Variants in R3HDM1 observed in about 807,000 individuals in gnomAD.
The protein encoded by R3HDM1 is R3H domain-containing protein 1.
A neutral mutation model predicts 141.1 loss-of-function variants in R3HDM1; 46 were observed. The observed-to-expected ratio is 0.33, with a 90% CI of 0.26 to 0.42. The LOEUF (loss-of-function observed/expected upper bound fraction) is 0.42. Ranked by LOEUF, R3HDM1 falls within the 10% of genes least tolerant of loss-of-function variation. R3HDM1 has a pLI of 1.00. For missense variants in R3HDM1, 1,184 were observed against 1,368.3 expected, an observed-to-expected ratio of 0.87 and a Z score of 2.12; for synonymous variants, 435 against 472.9, an observed-to-expected ratio of 0.92 and a Z score of 1.04.
chr2:135,706,900 C>T (rs1001181727), intron 21 of R3HDM1, among the ~76,000 whole-genome samples: 5 of 152,262 alleles, frequency 3.3e-5, no homozygotes, highest in African/African-American at 9.6e-5. Flanking sequence ...GGGTACACCT[C>T]CCAGACGGGG....
intron 3 of R3HDM1, among the ~76,000 whole-genome samples, chr2:135,614,590 T>G (rs1186194220): frequency 3.9e-5 from 6 of 152,198 alleles, no homozygotes; most frequent in African/African-American, 1.4e-4. Flanking sequence ...ATTCAAAAAT[T>G]TAAGTCCAGC....
intron 17 of R3HDM1, chr2:135,651,244 A>G: frequency 1.0e-6 from 1 of 985,328 alleles, no homozygotes; most frequent in Non-Finnish European, 1.2e-6. Flanking sequence ...TTCTGCAAAT[A>G]ATTTTCGTGG....
intron 1 of R3HDM1, among the ~76,000 whole-genome samples, chr2:135,562,602 A>ATCT (rs1702003120): frequency 6.6e-6 from 1 of 152,172 alleles, no homozygotes; most frequent in African/African-American, 2.4e-5. Flanking sequence ...GACTTGAAAA[A>ATCT]TCTTATCTCC....
intron 1 of R3HDM1, among the ~76,000 whole-genome samples, chr2:135,567,973 A>C (rs578163715): frequency 7.0e-6 from 1 of 142,244 alleles, no homozygotes; most frequent in South Asian, 2.2e-4. Flanking sequence ...CCTGGTCTCG[A>C]ACTCCTGGCC....
rs576516779 is a variant in R3HDM1, at chr2:135,602,838, A to T, written c.-41+130A>T. 8.4e-5 allele frequency: 64 copies of T among 757,892 alleles called. No individual in the cohort carries two copies. In the African/African-American group the frequency reaches 9.6e-4, roughly 11 times the overall value. 46.9% of individuals were successfully genotyped at this position (757,892 alleles called of 1,614,324 possible). A position where few individuals can be genotyped will look rare whatever the true frequency, so the allele number is the denominator to read the frequency against. ...TTTGCAGCTGTTTGTTTTCGGAATGAACCAATTAACTTTTGTATGGGTTAT... is the reference window on the plus strand; with the variant it reads ...TTTGCAGCTGTTTGTTTTCGGAATGTACCAATTAACTTTTGTATGGGTTAT... On this transcript the variant is annotated intron_variant, in intron 2 of 26. Transcript: ENST00000683871.
At chr2:135,622,927 C>A (rs2061644747) in intron 7 of R3HDM1, 195 bp downstream of exon 7, 2 of 983,060 alleles carry the variant, frequency 2.0e-6, no homozygotes, top group African/African-American at 1.7e-5. Flanking sequence ...TTGCATTATG[C>A]ATGTCACCAT....
rs1456163098 is a variant in R3HDM1 at position 135,709,403 on chromosome 2, C to T, written c.2460-30C>T. 5 of 1,612,972 alleles carry T rather than the reference C, an allele frequency of 3.1e-6. No homozygotes were observed. In the South Asian group the frequency reaches 4.4e-5, roughly 14 times the overall value. ...AGAATGTTTATAGTCATCCTCCTCT[C>T]ATTATGCTGTTTTTTTGTTTTTTCC... On this transcript the variant is annotated intron_variant, in intron 21 of 26. Coordinates refer to ENST00000683871, the MANE Select transcript of R3HDM1 (RefSeq NM_001378107.1).
chr2:135,544,699 G>C (rs937915864), intron 1 of R3HDM1, among the ~76,000 whole-genome samples: 7 of 152,124 alleles, frequency 4.6e-5, no homozygotes, highest in Non-Finnish European at 1.0e-4. Context: ...GCTCACTCAC[G>C]CCTGTAATCC....
intron 16 of R3HDM1, among the ~76,000 whole-genome samples, chr2:135,647,704 T>A (rs1256367851): frequency 6.6e-6 from 1 of 152,222 alleles, no homozygotes; most frequent in Non-Finnish European, 1.5e-5. Context: ...AATTTATCAA[T>A]GAGATTGCAA....
At position 135,632,064 on chromosome 2, in the gene R3HDM1, A is replaced by C. The variant is rs569068971; in HGVS notation, c.698+63A>C. ...AAATAATAATACTTTATCTTTCTAT[A>C]TTACCTTTCATCTGAGGTTTTCCAC... On this transcript the variant is annotated intron_variant, in intron 9 of 26. Transcript: ENST00000683871. 2.5e-4 allele frequency: 321 copies of C among 1,260,300 alleles called. 4 individuals are homozygous for C. In the East Asian group the frequency reaches 8.7e-3, roughly 34 times the overall value. 78.1% of individuals were successfully genotyped at this position (1,260,300 alleles called of 1,614,324 possible).
At chr2:135,621,373 C>T in intron 5 of R3HDM1, 121 bp from the exon 6 acceptor site, 2 of 509,928 alleles carry the variant, frequency 3.9e-6, no homozygotes, top group South Asian at 7.5e-5. Context: ...TTGAAGAATC[C>T]AGTTGGGTAA....
intron 19 of R3HDM1, among the ~76,000 whole-genome samples, chr2:135,671,432 C>G (rs561011952): frequency 6.6e-6 from 1 of 151,854 alleles, no homozygotes; most frequent in East Asian, 2.0e-4. Context: ...TGCAATGGCG[C>G]GATCTCAGCT....
rs933495980 is a variant in R3HDM1 at position 135,661,500 on chromosome 2, T to A, written c.2152+107T>A. ...CTACTCAGTCTCTCAGGATCTCGAATATGTTCATACATATGAGTTTGCAAA... is the reference window on the plus strand; with the variant it reads ...CTACTCAGTCTCTCAGGATCTCGAAAATGTTCATACATATGAGTTTGCAAA... On this transcript the variant is annotated intron_variant, in intron 19 of 26. Coordinates refer to ENST00000683871, the MANE Select transcript of R3HDM1 (RefSeq NM_001378107.1). 19 of 1,387,540 alleles carry A rather than the reference T, an allele frequency of 1.4e-5. No homozygotes were observed. In the African/African-American group the frequency reaches 2.4e-4, roughly 18 times the overall value. The allele number at this position is 1,387,540 out of a possible 1,614,324, so 86.0% of individuals were successfully genotyped here. A position where few individuals can be genotyped will look rare whatever the true frequency, so the allele number is the denominator to read the frequency against.
rs186277015 is a variant in R3HDM1, at chr2:135,539,278, A to G, written c.-250+7645A>G. On this transcript the variant is annotated intron_variant, in intron 1 of 26. Coordinates refer to ENST00000683871, the MANE Select transcript of R3HDM1 (RefSeq NM_001378107.1). ...TAGTCATTTATTACCATTATCAAGT[A>G]TTACGTGCTGTACATATGTATGTGC... 7.2e-5 allele frequency among the ~76,000 whole-genome samples: 11 copies of G among 152,338 alleles called. No homozygotes were observed. The East Asian group carries it at 1.9e-3, about 27-fold the overall frequency.
intron 21 of R3HDM1, among the ~76,000 whole-genome samples, chr2:135,696,658 A>C (rs2073295714): frequency 6.6e-6 from 1 of 151,688 alleles, no homozygotes; most frequent in South Asian, 2.1e-4. Flanking sequence ...CACCTGGCTA[A>C]TTTTTTAATT....
chr2:135,610,984 C>G (rs114606728), intron 3 of R3HDM1, among the ~76,000 whole-genome samples: 216 of 151,924 alleles, frequency 1.4e-3, no homozygotes, highest in African/African-American at 5.0e-3. Flanking sequence ...ACGGTACATA[C>G]CTGTAGTCAC....
chr2:135,557,266 CT>C (rs924789832), intron 1 of R3HDM1, among the ~76,000 whole-genome samples: 6 of 151,218 alleles, frequency 4.0e-5, no homozygotes, highest in East Asian at 1.9e-4. Context: ...ACTAATTTTA[CT>C]TTTTTTTTCC....
intron 1 of R3HDM1, among the ~76,000 whole-genome samples, chr2:135,551,850 A>G (rs1226599182): frequency 6.6e-6 from 1 of 152,316 alleles, no homozygotes; most frequent in African/African-American, 2.4e-5. Context: ...TATCTGATTC[A>G]TTAAGCTTCA....
chr2:135,603,209 C>CA (rs1221666038), intron 2 of R3HDM1, among the ~76,000 whole-genome samples: 3 of 152,146 alleles, frequency 2.0e-5, no homozygotes, highest in African/African-American at 4.8e-5. Context: ...AAGCTGGTCT[C>CA]AAACTCTTGG....
Sources: allele counts gnomAD v4.1 joint callset (sites outside exome capture counted in the v4.1 genomes callset), GRCh38; gene constraint gnomAD v4.1.1; transcripts MANE v1.5; gene names NCBI Gene and HGNC (gene_info 2026-07-23, HGNC 2026-07-21).